AGBL4: variants seen among roughly 807,000 people sequenced by gnomAD.
The protein encoded by AGBL4 is cytosolic carboxypeptidase 6.
In AGBL4, 58 loss-of-function variants were observed where a neutral mutation model predicts 66.4. The observed-to-expected ratio is 0.87, with a 90% CI of 0.71 to 1.09. AGBL4 has a LOEUF of 1.09. AGBL4 is among the 50% of genes least tolerant of loss of function. AGBL4 has a pLI of 0.00. For missense variants in AGBL4, 579 were observed against 631.0 expected (o/e 0.92, Z 0.88); for synonymous variants, 234 against 222.9 (o/e 1.05, Z -0.44).
intron 5 of AGBL4, among the ~76,000 whole-genome samples, chr1:48,886,753 AT>A (rs1650394529): frequency 6.6e-6 from 1 of 152,034 alleles, no homozygotes; most frequent in South Asian, 2.1e-4. Context: ...GAGTTTCACC[AT>A]GTTAACCAGG....
chr1:49,946,619 AACAG>A (rs1655232629), intron 1 of AGBL4, among the ~76,000 whole-genome samples: 1 of 151,908 alleles, frequency 6.6e-6, no homozygotes, highest in Non-Finnish European at 1.5e-5. Context: ...AAAGAGCCCT[AACAG>A]ACAAAGATCA....
At chr1:49,611,407 C>T (rs918740581) in intron 3 of AGBL4, among the ~76,000 whole-genome samples, 4 of 138,788 alleles carry the variant, frequency 2.9e-5, no homozygotes, top group African/African-American at 1.1e-4. Context: ...GATGGAGTCG[C>T]ACTCTGTTGC....
intron 1 of AGBL4, among the ~76,000 whole-genome samples, chr1:49,935,506 G>C (rs1653886274): frequency 6.6e-6 from 1 of 152,198 alleles, no homozygotes; most frequent in South Asian, 2.1e-4. Flanking sequence ...GGCAGCTGGA[G>C]ATCTGAGAAC....
chr1:48,715,553 G>C (rs1220950166), intron 6 of AGBL4, among the ~76,000 whole-genome samples: 1 of 152,186 alleles, frequency 6.6e-6, no homozygotes, highest in Non-Finnish European at 1.5e-5. Context: ...ACCTAGCCCA[G>C]AATGGCTTCA....
chr1:49,063,670 G>C (rs1272189988), intron 4 of AGBL4, among the ~76,000 whole-genome samples: 1 of 152,178 alleles, frequency 6.6e-6, no homozygotes, highest in Non-Finnish European at 1.5e-5. Flanking sequence ...AGGGGAAAAA[G>C]ACAGCATAAG....
At chr1:49,432,996 A>G (rs764153383) in intron 3 of AGBL4, among the ~76,000 whole-genome samples, 9 of 152,162 alleles carry the variant, frequency 5.9e-5, no homozygotes, top group Admixed American at 3.3e-4. Context: ...TGCCTACATA[A>G]TGAAGCCTCC....
intron 3 of AGBL4, among the ~76,000 whole-genome samples, chr1:49,609,231 G>A (rs972478407): frequency 6.6e-6 from 1 of 152,104 alleles, no homozygotes; most frequent in Admixed American, 6.5e-5. Flanking sequence ...CAGATCCATA[G>A]GGACATATGC....
intron 12 of AGBL4, among the ~76,000 whole-genome samples, chr1:48,535,276 TGCAGAGGCTGTTTCCTTCC>T (rs1643950879): frequency 6.6e-6 from 1 of 152,164 alleles, no homozygotes. Context: ...TTTAGGCCTC[TGCAGAGGCTGTTTCCTTCC>T]CTACCTCTCT....
At chr1:49,836,353 C>T (rs189977754) in intron 2 of AGBL4, among the ~76,000 whole-genome samples, 25 of 151,986 alleles carry the variant, frequency 1.6e-4, no homozygotes, top group East Asian at 1.2e-3. Context: ...ATTCTTTTTC[C>T]GCTTGATCAA....
intron 1 of AGBL4, among the ~76,000 whole-genome samples, chr1:50,022,847 G>A (rs1386778856): frequency 6.6e-6 from 1 of 152,098 alleles, no homozygotes; most frequent in African/African-American, 2.4e-5. Flanking sequence ...CTCATTTAGA[G>A]GCAAACTCCC....
chr1:49,757,624 C>A (rs1455622643), intron 2 of AGBL4, among the ~76,000 whole-genome samples: 3 of 152,148 alleles, frequency 2.0e-5, no homozygotes, highest in Non-Finnish European at 2.9e-5. Flanking sequence ...AGATGAGGAC[C>A]TTCTTGAGAA....
intron 3 of AGBL4, among the ~76,000 whole-genome samples, chr1:49,380,766 T>C (rs926647148): frequency 6.6e-5 from 10 of 152,160 alleles, no homozygotes; most frequent in African/African-American, 2.4e-4. Flanking sequence ...ATTTAATAAA[T>C]GGTGCTGGGA....
intron 3 of AGBL4, among the ~76,000 whole-genome samples, chr1:49,594,269 T>G (rs1183001062): frequency 6.6e-6 from 1 of 152,212 alleles, no homozygotes; most frequent in Non-Finnish European, 1.5e-5. Context: ...TGGATACCTG[T>G]ACAGGAAAGG....
chr1:49,190,632 T>G (rs1647099829), intron 4 of AGBL4, among the ~76,000 whole-genome samples: 1 of 152,150 alleles, frequency 6.6e-6, no homozygotes. Context: ...ATAGTTGCAC[T>G]CTTAATTTCT....
chr1:48,552,418 C>A (rs1187971320), intron 11 of AGBL4, among the ~76,000 whole-genome samples: 2 of 152,214 alleles, frequency 1.3e-5, no homozygotes, highest in Non-Finnish European at 2.9e-5. Flanking sequence ...CAATCACCTC[C>A]TCTGTGCTGG....
chr1:48,538,564 A>G (rs933539764), intron 12 of AGBL4, among the ~76,000 whole-genome samples: 2 of 152,060 alleles, frequency 1.3e-5, no homozygotes, highest in Admixed American at 6.5e-5. Context: ...ATAAAAGCCT[A>G]GGATGAAACC....
Position 49,923,687 on chromosome 1 carries a change from C to T in AGBL4, c.35-72169G>A, listed in dbSNP as rs148578681. 2.0e-5 allele frequency among the ~76,000 whole-genome samples: 3 copies of T among 152,112 alleles called. No individual in the cohort carries two copies. The East Asian group carries it at 5.8e-4, about 29-fold the overall frequency. On this transcript the variant is annotated intron_variant, in intron 1 of 13. Coordinates refer to ENST00000371839, the MANE Select transcript of AGBL4 (RefSeq NM_032785.4). ...CAGACACTTCTCAAAAGAACACATA[C>T]AAGTGAACACAATTATATGAAAAAA...
intron 1 of AGBL4, among the ~76,000 whole-genome samples, chr1:50,015,634 T>G (rs1661920362): frequency 1.3e-5 from 2 of 152,128 alleles, no homozygotes; most frequent in African/African-American, 4.8e-5. Flanking sequence ...GCAGCCTGAA[T>G]GACAGTGCAA....
At chr1:49,955,193 A>G (rs1656493893) in intron 1 of AGBL4, among the ~76,000 whole-genome samples, 1 of 151,998 alleles carries the variant, frequency 6.6e-6, no homozygotes, top group Admixed American at 6.6e-5. Context: ...AGGCCAATAC[A>G]TTCTTGAAGA....
Sources: gnomAD v4.1 joint callset for allele counts (sites outside exome capture counted in the v4.1 genomes callset) on GRCh38, gnomAD v4.1.1 for gene constraint, MANE v1.5 for transcripts, NCBI Gene and HGNC (gene_info 2026-07-23, HGNC 2026-07-21) for gene names.